Variants in GDPD5 observed in about 807,000 individuals in gnomAD.
GDPD5 encodes glycerophosphodiester phosphodiesterase domain containing 5.
GDPD5 carries 48 observed loss-of-function variants against 75.1 expected under a neutral mutation model. That is an observed-to-expected ratio of 0.64 (90% confidence interval 0.51 to 0.81). GDPD5 has a LOEUF of 0.81. Ranked by LOEUF, GDPD5 falls within the 40% of genes least tolerant of loss-of-function variation. The pLI is 0.00. For synonymous variants in GDPD5, 336 were observed against 339.0 expected, an observed-to-expected ratio of 0.99 and a Z score of 0.10; for missense variants, 706 against 822.6, an observed-to-expected ratio of 0.86 and a Z score of 1.73.
chr11:75,520,129 C>A (rs1473290450), intron 1 of GDPD5, among the ~76,000 whole-genome samples: 4 of 152,230 alleles, frequency 2.6e-5, no homozygotes, highest in African/African-American at 9.6e-5. Context: ...AATCTGCAAA[C>A]CCCAGCTAAG....
chr11:75,502,067 T>A (rs1204509258), intron 1 of GDPD5, among the ~76,000 whole-genome samples: 4 of 152,176 alleles, frequency 2.6e-5, no homozygotes, highest in African/African-American at 9.7e-5. Flanking sequence ...AAGCCTCTCA[T>A]ATTGCTGCCT....
Position 75,449,867 on chromosome 11 carries a change from G to A in GDPD5, c.474+18C>T, listed in dbSNP as rs1949092701. 1.2e-6 allele frequency: 2 copies of A among 1,602,204 alleles called. No homozygotes were observed. Among genetic ancestry groups the A allele is most frequent in the Non-Finnish European group, 8.6e-7 (1 of 1,169,504 alleles). ...AAGGCTCTTGTTGTGAGGGTCCTGG[G>A]GGACCCTCCTCACTCACCTGCAGGG... On this transcript the variant is annotated intron_variant, in intron 7 of 16. Transcript: ENST00000336898.
chr11:75,499,100 G>C (rs1950260432), intron 1 of GDPD5, among the ~76,000 whole-genome samples: 1 of 152,060 alleles, frequency 6.6e-6, no homozygotes, highest in South Asian at 2.1e-4. Flanking sequence ...CTCAGGGTCT[G>C]CTTCTAGGTC....
At chr11:75,458,304 G>A (rs907455334) in intron 4 of GDPD5, among the ~76,000 whole-genome samples, 1 of 152,170 alleles carries the variant, frequency 6.6e-6, no homozygotes, top group Admixed American at 6.5e-5. Flanking sequence ...GAAAATTGGG[G>A]GTCTTAGAAT....
At chr11:75,509,202 T>C (rs1233596993) in intron 1 of GDPD5, among the ~76,000 whole-genome samples, 1 of 152,144 alleles carries the variant, frequency 6.6e-6, no homozygotes, top group Non-Finnish European at 1.5e-5. Context: ...GTTCTTGACA[T>C]GTGCTCCCAG....
rs115318557 is a variant in GDPD5 at position 75,519,794 on chromosome 11, G to A, written c.-145+5416C>T. 2.5e-3 allele frequency among the ~76,000 whole-genome samples: 380 copies of A among 152,352 alleles called. 1 individual carries two copies. Among genetic ancestry groups the A allele is most frequent in the African/African-American group, 8.6e-3 (358 of 41,574 alleles). ...CTCACAATTTGGAAGTTTTGCATCTGTGTGTTTCCTTGTCTAATGCTGTTT... is the reference window on the plus strand; with the variant it reads ...CTCACAATTTGGAAGTTTTGCATCTATGTGTTTCCTTGTCTAATGCTGTTT... On this transcript the variant is annotated intron_variant, in intron 1 of 16. Transcript: ENST00000336898.
intron 3 of GDPD5, among the ~76,000 whole-genome samples, chr11:75,466,326 A>G (rs1949514817): frequency 6.6e-6 from 1 of 152,144 alleles, no homozygotes; most frequent in East Asian, 1.9e-4. Flanking sequence ...TCTAAGAACA[A>G]TCAGAGGAAA....
intron 3 of GDPD5, among the ~76,000 whole-genome samples, chr11:75,469,238 T>C (rs1273851169): frequency 6.6e-6 from 1 of 152,128 alleles, no homozygotes; most frequent in Non-Finnish European, 1.5e-5. Context: ...CCTGGCATGG[T>C]AGCTGCCCAA....
intron 1 of GDPD5, among the ~76,000 whole-genome samples, chr11:75,524,338 G>A (rs533022383): frequency 5.0e-4 from 76 of 152,346 alleles, no homozygotes; most frequent in Middle Eastern, 3.4e-3. Context: ...TCACATCAGC[G>A]ATAGGGAAAG....
At chr11:75,481,753 A>G (rs1161869853) in intron 2 of GDPD5, among the ~76,000 whole-genome samples, 1 of 151,948 alleles carries the variant, frequency 6.6e-6, no homozygotes, top group Non-Finnish European at 1.5e-5. Context: ...CTCTACTGTC[A>G]TGTCAGCCAC....
chr11:75,445,160 AT>A (rs1166501467), intron 9 of GDPD5, among the ~76,000 whole-genome samples: 2 of 152,088 alleles, frequency 1.3e-5, no homozygotes, highest in African/African-American at 2.4e-5. Flanking sequence ...TGGTTCTAGC[AT>A]TTTTTTAAGA....
chr11:75,503,661 C>G (rs2135459813), intron 1 of GDPD5, among the ~76,000 whole-genome samples: 1 of 152,318 alleles, frequency 6.6e-6, no homozygotes, highest in Non-Finnish European at 1.5e-5. Flanking sequence ...TGAAAGTGAG[C>G]AAAAGCAGAG....
chr11:75,441,507 G>A, intron 13 of GDPD5, 139 bp downstream of exon 13: 22 of 1,123,998 alleles, frequency 2.0e-5, no homozygotes, highest in Non-Finnish European at 2.8e-5. Context: ...AACCATGTGT[G>A]CCTGATTCCT....
intron 9 of GDPD5, 60 bp downstream of exon 9, chr11:75,448,917 A>G: frequency 6.7e-7 from 1 of 1,494,766 alleles, no homozygotes; most frequent in Non-Finnish European, 8.9e-7. Context: ...TTTCCCAAGA[A>G]GGTCCCCCCC....
At chr11:75,458,586 G>A (rs1949342490) in intron 4 of GDPD5, among the ~76,000 whole-genome samples, 1 of 152,026 alleles carries the variant, frequency 6.6e-6, no homozygotes, top group South Asian at 2.1e-4. Context: ...GCAGGAGAAT[G>A]GGGTGAACCT....
At position 75,449,782 on chromosome 11, in the gene GDPD5, G is replaced by A. The variant is rs1293355632; in HGVS notation, c.474+103C>T. The A allele has an allele frequency of 3.8e-6, 5 of 1,323,344 alleles. No individual in the cohort carries two copies. The African/African-American group carries it at 7.2e-5, about 19-fold the overall frequency. 82.0% of individuals were successfully genotyped at this position (1,323,344 alleles called of 1,614,324 possible). On this transcript the variant is annotated intron_variant, in intron 7 of 16. Coordinates refer to ENST00000336898, the MANE Select transcript of GDPD5 (RefSeq NM_030792.8). Reference sequence around the variant, plus strand: ...CCTCCCTAGTTCTGACCTGCTCTGTGACCCTGGGCGCCTCCCTGCCCTTCT... The same window carrying A: ...CCTCCCTAGTTCTGACCTGCTCTGTAACCCTGGGCGCCTCCCTGCCCTTCT...
chr11:75,462,956 G>A, intron 3 of GDPD5, 67 bp from the exon 4 acceptor site: 1 of 1,272,008 alleles, frequency 7.9e-7, no homozygotes, highest in Admixed American at 1.9e-5. Context: ...CCTCCCACCA[G>A]AATGTGTCCT....
chr11:75,472,076 T>C (rs961866327), intron 3 of GDPD5, among the ~76,000 whole-genome samples: 1 of 152,100 alleles, frequency 6.6e-6, no homozygotes, highest in Non-Finnish European at 1.5e-5. Context: ...TTCTGCAGGG[T>C]TGGAACAATG....
At chr11:75,477,333 T>C (rs1949800019) in intron 3 of GDPD5, among the ~76,000 whole-genome samples, 1 of 152,246 alleles carries the variant, frequency 6.6e-6, no homozygotes, top group Non-Finnish European at 1.5e-5. Context: ...AGCTGAGAAC[T>C]TCTGCTCACC....
Sources: allele counts gnomAD v4.1 joint callset (sites outside exome capture counted in the v4.1 genomes callset), GRCh38; gene constraint gnomAD v4.1.1; transcripts MANE v1.5; gene names NCBI Gene and HGNC (gene_info 2026-07-23, HGNC 2026-07-21).